The following TEX11 variants were observed in gnomAD, a reference collection of about 807,000 sequenced individuals.
The protein encoded by TEX11 is testis expressed 11.
Under a neutral mutation model 84.4 loss-of-function variants are expected in TEX11, and 7 were observed. The observed-to-expected ratio is 0.08, with a 90% CI of 0.05 to 0.16. The LOEUF is 0.16. Among genes scored for constraint, TEX11 ranks in the 10% least tolerant of loss-of-function variants. TEX11 has a pLI of 1.00. For missense variants in TEX11, 551 were observed against 660.5 expected (o/e 0.83, Z 1.82); for synonymous variants, 264 against 222.8 (o/e 1.18, Z -1.64).
intron 25 of TEX11, among the ~76,000 whole-genome samples, chrX:70,570,968 A>C (rs1390708350): frequency 9.0e-6 from 1 of 111,282 alleles, no homozygotes; most frequent in Admixed American, 9.6e-5. Flanking sequence ...CAATTGTATT[A>C]ATCTTTCCAA....
At chrX:70,905,603 G>A (rs191995257) in intron 2 of TEX11, among the ~76,000 whole-genome samples, 10 of 111,404 alleles carry the variant, frequency 9.0e-5, no homozygotes, top group East Asian at 2.8e-4. Context: ...CACAGTGTTC[G>A]TTGTAGCATT....
At chrX:70,647,680 TAAAA>T (rs1250392637) in intron 17 of TEX11, among the ~76,000 whole-genome samples, 1 of 106,444 alleles carries the variant, frequency 9.4e-6, no homozygotes, top group Non-Finnish European at 1.9e-5. Context: ...AAATAAAAAA[TAAAA>T]AAAGGATGTG....
intron 2 of TEX11, among the ~76,000 whole-genome samples, chrX:70,891,020 G>A (rs2091735261): frequency 8.9e-6 from 1 of 112,078 alleles, no homozygotes; most frequent in South Asian, 3.7e-4. Context: ...GAAGGATAAG[G>A]CAGCAATATT....
Position 70,740,394 on chromosome X carries a change from G to T in TEX11, c.843+307C>A, listed in dbSNP as rs148080498. 4.9e-3 allele frequency among the ~76,000 whole-genome samples: 546 copies of T among 110,689 alleles called. 4 individuals are homozygous for T. Among genetic ancestry groups the T allele is most frequent in the African/African-American group, 0.017 (521 of 30,440 alleles). On this transcript the variant is annotated intron_variant, in intron 11 of 29. Coordinates refer to ENST00000374333, the MANE Select transcript of TEX11 (RefSeq NM_031276.3). ...TAAGGGCAGTAATACCATTCAAGAG[G>T]GGTTTGCCCAATGACTTTATCATCT...
At position 70,744,154 on chromosome X, in the gene TEX11, A is replaced by T. The variant is rs2090752812; in HGVS notation, c.747+11T>A. The T allele has an allele frequency of 2.9e-6, 3 of 1,033,294 alleles. No homozygotes were observed. The highest frequency in any genetic ancestry group is 3.8e-6 in the Non-Finnish European group (3 of 789,714). 85.2% of individuals were successfully genotyped at this position (1,033,294 alleles called of 1,213,427 possible). ...TCAACCTATTTCTACAATATTTAAC[A>T]TGATCCTTACCAGCATTTCTGGCCC... On this transcript the variant is annotated intron_variant, in intron 10 of 29. Coordinates refer to ENST00000374333, the MANE Select transcript of TEX11 (RefSeq NM_031276.3).
intron 8 of TEX11, among the ~76,000 whole-genome samples, chrX:70,811,950 C>A (rs926542880): frequency 2.7e-5 from 3 of 111,766 alleles, no homozygotes; most frequent in African/African-American, 6.5e-5. Flanking sequence ...AAGTAGATTG[C>A]AAAAATTTTC....
chrX:70,608,267 A>G (rs1240383896), intron 22 of TEX11, among the ~76,000 whole-genome samples: 1 of 112,191 alleles, frequency 8.9e-6, no homozygotes, highest in Non-Finnish European at 1.9e-5. Context: ...TTCCAGGGTA[A>G]CCATTATCCT....
chrX:70,543,168 C>T (rs953458131), intron 28 of TEX11, among the ~76,000 whole-genome samples: 3 of 109,285 alleles, frequency 2.7e-5, no homozygotes, highest in African/African-American at 3.3e-5. Context: ...GGCGACACAG[C>T]GAGACTCCGT....
At chrX:70,748,027 A>G (rs774535563) in intron 9 of TEX11, among the ~76,000 whole-genome samples, 1 of 111,125 alleles carries the variant, frequency 9.0e-6, no homozygotes, top group African/African-American at 3.3e-5. Flanking sequence ...AATAGAAACG[A>G]TACAAATCTG....
rs1304579144 is a variant in TEX11, at chrX:70,872,685, G to GT, written c.244+537dup. On this transcript the variant is annotated intron_variant, in intron 4 of 29. Coordinates refer to ENST00000374333, the MANE Select transcript of TEX11 (RefSeq NM_031276.3). ...AGATGAGTTTAGTTTGAGATTTTTG[G>GT]TTTTTTTGTTCTTGTTGTTTGCTCT... Among the ~76,000 whole-genome samples the GT allele has an allele frequency of 2.7e-5, 3 of 111,768 alleles. No individual in the cohort carries two copies. In the East Asian group the frequency reaches 8.4e-4, roughly 31 times the overall value.
intron 8 of TEX11, among the ~76,000 whole-genome samples, chrX:70,810,104 C>T (rs112308684): frequency 0.022 from 2,443 of 111,502 alleles, 65 homozygotes; most frequent in African/African-American, 0.075. Context: ...TACCATCTCA[C>T]GACAGTTAAA....
intron 22 of TEX11, 61 bp downstream of exon 22, chrX:70,609,030 T>A: frequency 1.1e-6 from 1 of 927,288 alleles, no homozygotes; most frequent in Non-Finnish European, 1.5e-6. Context: ...GAATTTGAAA[T>A]CACATCTGTC....
chrX:70,901,449 C>T (rs2091802886), intron 2 of TEX11, among the ~76,000 whole-genome samples: 1 of 111,926 alleles, frequency 8.9e-6, no homozygotes, highest in Non-Finnish European at 1.9e-5. Context: ...TGGTCCTCAA[C>T]CTTCTTGGCA....
intron 4 of TEX11, among the ~76,000 whole-genome samples, chrX:70,864,097 C>T (rs1218560276): frequency 1.8e-5 from 2 of 111,456 alleles, no homozygotes; most frequent in Admixed American, 9.6e-5. Flanking sequence ...AAAGACCAAA[C>T]GTATGATTGA....
rs1394796674 is a variant in TEX11, at chrX:70,792,339, TATATATATATATATATATAC to T, written c.692+14346_692+14365del. Among the ~76,000 whole-genome samples, 122 of 13,765 alleles carry T rather than the reference TATATATATATATATATATAC, an allele frequency of 8.9e-3. 13 individuals are homozygous for T. Among genetic ancestry groups the T allele is most frequent in the African/African-American group, 0.031 (115 of 3,691 alleles). The allele number at this position is 13,765 out of a possible 115,157, so 12.0% of individuals were successfully genotyped here. A position where few individuals can be genotyped will look rare whatever the true frequency, so the allele number is the denominator to read the frequency against. On this transcript the variant is annotated intron_variant, in intron 9 of 29. Coordinates refer to ENST00000374333, the MANE Select transcript of TEX11 (RefSeq NM_031276.3). The stretch of plus-strand genomic sequence containing the variant: ...AAATATATATATATATATATATATA[TATATATATATATATATATAC>T]ACACACAAATATATATCTGGGATGC...
intron 13 of TEX11, among the ~76,000 whole-genome samples, chrX:70,687,918 AT>A (rs1447842346): frequency 3.6e-4 from 40 of 110,310 alleles, no homozygotes; most frequent in Non-Finnish European, 1.3e-4. Context: ...AGAAGGAAAA[AT>A]AAAAAAGTAG....
At chrX:70,523,769 CTT>C in the TEX11 span, among the ~76,000 whole-genome samples, 6,262 of 90,872 alleles carry the variant, frequency 0.069, 198 homozygotes, top group East Asian at 0.12. Flanking sequence ...TGGCCCCCCT[CTT>C]TTTTTTTTTT....
intron 13 of TEX11, among the ~76,000 whole-genome samples, chrX:70,692,982 C>T (rs1267746831): frequency 1.8e-5 from 2 of 111,790 alleles, no homozygotes; most frequent in African/African-American, 6.5e-5. Context: ...CAGTGGCACA[C>T]GCCTGTAATC....
intron 25 of TEX11, among the ~76,000 whole-genome samples, chrX:70,561,928 A>G (rs1466019067): frequency 8.9e-6 from 1 of 112,279 alleles, no homozygotes; most frequent in Non-Finnish European, 1.9e-5. Context: ...TGAAATAGTA[A>G]GTGAATGCAG....
Sources: allele counts gnomAD v4.1 joint callset (sites outside exome capture counted in the v4.1 genomes callset), GRCh38; gene constraint gnomAD v4.1.1; transcripts MANE v1.5; gene names NCBI Gene and HGNC (gene_info 2026-07-23, HGNC 2026-07-21).